MORC3: variants seen among roughly 807,000 people sequenced by gnomAD.
MORC3 encodes the protein MORC family CW-type zinc finger protein 3.
MORC3 carries 31 observed loss-of-function variants against 109.1 expected under a neutral mutation model. The observed-to-expected ratio is 0.28, with a 90% confidence interval of 0.21 to 0.38. MORC3 has a LOEUF of 0.38. MORC3 is among the 10% of genes least tolerant of loss of function. The pLI is 1.00. For synonymous variants in MORC3, 395 were observed against 380.7 expected (o/e 1.04, Z -0.44); for missense variants, 867 against 1,135.8 (o/e 0.76, Z 3.40).
At chr21:36,339,285 A>G (rs1051172089) in intron 5 of MORC3, 2 of 162,298 alleles carry the variant, frequency 1.2e-5, no homozygotes, top group Admixed American at 6.2e-5. Context: ...ATGCCCGGCT[A>G]ACTTTTGTAT....
Position 36,369,889 on chromosome 21 carries a change from A to G in MORC3, c.2508+13A>G, listed in dbSNP as rs1006284923. ...GTATAAAAGTGAGGTGAGTTATATC[A>G]TCCAACATGTAGTCATGGAGTCCAG... On this transcript the variant is annotated intron_variant, in intron 15 of 16. Transcript: ENST00000400485. 1 of 1,605,182 alleles carries G rather than the reference A, an allele frequency of 6.2e-7. No individual in the cohort carries two copies. The highest frequency in any genetic ancestry group is 8.5e-7 in the Non-Finnish European group (1 of 1,178,516).
At chr21:36,356,488 C>T (rs1361705141) in intron 9 of MORC3, 132 bp from the exon 10 acceptor site, 2 of 447,518 alleles carry the variant, frequency 4.5e-6, no homozygotes, top group Middle Eastern at 6.4e-4. Context: ...GTCACCTATA[C>T]CTTGAATGTT....
intron 14 of MORC3, among the ~76,000 whole-genome samples, chr21:36,365,274 C>T (rs2085767540): frequency 6.6e-6 from 1 of 152,078 alleles, no homozygotes; most frequent in Non-Finnish European, 1.5e-5. Context: ...ACGTTGGTTC[C>T]TGAAGTTCTG....
At chr21:36,320,715 G>C in intron 1 of MORC3, 1 of 182,526 alleles carries the variant, frequency 5.5e-6, no homozygotes, top group Non-Finnish European at 1.1e-5. Context: ...CGGCGGCCTC[G>C]ACGTCCCGGG....
intron 5 of MORC3, among the ~76,000 whole-genome samples, chr21:36,340,259 AAG>A (rs2085426758): frequency 6.6e-6 from 1 of 150,486 alleles, no homozygotes; most frequent in Non-Finnish European, 1.5e-5. Context: ...GCCTGGGCGA[AAG>A]AGCGAGACTC....
intron 9 of MORC3, among the ~76,000 whole-genome samples, chr21:36,354,127 G>A (rs2085613473): frequency 6.6e-6 from 1 of 151,746 alleles, no homozygotes; most frequent in South Asian, 2.1e-4. Context: ...TATATGTACT[G>A]TTCATTAAGT....
At chr21:36,338,499 G>A (rs181919916) in intron 4 of MORC3, among the ~76,000 whole-genome samples, 100 of 152,132 alleles carry the variant, frequency 6.6e-4, no homozygotes, top group Non-Finnish European at 7.4e-5. Flanking sequence ...ACCAGCCCAA[G>A]CAACGTAGGG....
chr21:36,323,277 C>A (rs182726019), intron 1 of MORC3, among the ~76,000 whole-genome samples: 4 of 152,288 alleles, frequency 2.6e-5, no homozygotes, highest in Admixed American at 2.6e-4. Flanking sequence ...CCTACTCTCT[C>A]GGGTTCAAAT....
chr21:36,337,938 A>G lies in MORC3; in HGVS notation c.452A>G (p.Asn151Ser), dbSNP rs562481044. ...GTTGTTGTTCCAATAGTGGCATTCA[A>G]CAAGCACCATATCCTTTTGGTTGTG... ...EHVVVPIVAF[N>S]KHRQMINLAE... Residue 151 changes from asparagine to serine, a missense_variant, in exon 4 of 17, where the codon AAC becomes AGC. Transcript: ENST00000400485. 9 of 1,614,028 alleles carry G rather than the reference A, an allele frequency of 5.6e-6. No homozygotes were observed. The highest frequency in any genetic ancestry group is 1.3e-5 in the African/African-American group (1 of 75,056).
At chr21:36,361,059 T>A (rs9978830) in intron 12 of MORC3, among the ~76,000 whole-genome samples, 1 of 149,326 alleles carries the variant, frequency 6.7e-6, no homozygotes, top group Non-Finnish European at 1.5e-5. Context: ...GCAACAAGAG[T>A]GAGACTCTAT....
At chr21:36,341,935 T>A (rs2146305163) in intron 6 of MORC3, among the ~76,000 whole-genome samples, 1 of 152,248 alleles carries the variant, frequency 6.6e-6, no homozygotes, top group South Asian at 2.1e-4. Context: ...TTATTAAATT[T>A]TAACGTATTT....
rs978724181 is a variant in MORC3, at chr21:36,334,034, G to A, written c.112+316G>A. On this transcript the variant is annotated intron_variant, in intron 2 of 16. Transcript: ENST00000400485. ...GATCTCCTGACCTCGTGATCCGCCT[G>A]CCTCAGCCTCCCAAAGTGCTGGGAT... 1.6e-4 allele frequency among the ~76,000 whole-genome samples: 24 copies of A among 152,006 alleles called. 1 individual carries two copies. The highest frequency in any genetic ancestry group is 3.9e-4 in the East Asian group (2 of 5,166).
intron 9 of MORC3, among the ~76,000 whole-genome samples, chr21:36,356,116 TATA>T (rs2085642506): frequency 6.6e-6 from 1 of 152,184 alleles, no homozygotes; most frequent in Non-Finnish European, 1.5e-5. Flanking sequence ...ATGAAATTAC[TATA>T]ATAATATTGT....
chr21:36,323,515 C>A (rs1373548397), intron 1 of MORC3, among the ~76,000 whole-genome samples: 1 of 152,064 alleles, frequency 6.6e-6, no homozygotes, highest in African/African-American at 2.4e-5. Context: ...CTAACAATAA[C>A]ACCACTTCCA....
chr21:36,337,692 T>G (rs1339365153), intron 3 of MORC3, 40 bp from the exon 4 acceptor site: 2 of 1,238,446 alleles, frequency 1.6e-6, no homozygotes, highest in South Asian at 1.5e-5. Context: ...TATTTTTGAT[T>G]ATAGGTATTT....
At chr21:36,346,192 T>G (rs1388123116) in intron 8 of MORC3, among the ~76,000 whole-genome samples, 1 of 152,160 alleles carries the variant, frequency 6.6e-6, no homozygotes, top group Admixed American at 6.5e-5. Context: ...GGCCAAATTT[T>G]GTATTTTTAG....
chr21:36,350,803 A>G (rs968438299), intron 9 of MORC3, among the ~76,000 whole-genome samples: 2 of 152,144 alleles, frequency 1.3e-5, no homozygotes, highest in Non-Finnish European at 2.9e-5. Context: ...CTAAATTCAG[A>G]CATTTAAGGA....
At chr21:36,370,268 T>C (rs372079492) in intron 15 of MORC3, among the ~76,000 whole-genome samples, 3 of 152,128 alleles carry the variant, frequency 2.0e-5, no homozygotes, top group Non-Finnish European at 2.9e-5. Context: ...TCTGTTCTTA[T>C]TGAGTGTCTG....
intron 9 of MORC3, among the ~76,000 whole-genome samples, chr21:36,352,739 G>C (rs545085468): frequency 1.3e-5 from 2 of 152,230 alleles, no homozygotes; most frequent in South Asian, 4.2e-4. Context: ...CTACCCCTCA[G>C]TCAAAGATCC....
Sources: gnomAD v4.1 joint callset for allele counts (sites outside exome capture counted in the v4.1 genomes callset) on GRCh38, gnomAD v4.1.1 for gene constraint, MANE v1.5 for transcripts, NCBI Gene and HGNC (gene_info 2026-07-23, HGNC 2026-07-21) for gene names.